EPHA5: variants seen among roughly 807,000 people sequenced by gnomAD.
EPHA5 encodes EPH receptor A5, also known as ephrin type-A receptor 5.
In EPHA5, 60 loss-of-function variants were observed where a neutral mutation model predicts 105.0. The observed-to-expected ratio is 0.57, with a 90% confidence interval of 0.46 to 0.71. The LOEUF (loss-of-function observed/expected upper bound fraction) is 0.71, where lower values mean the gene tolerates loss of function less well. EPHA5 is among the 30% of genes least tolerant of loss of function. The pLI is 0.00. For missense variants in EPHA5, 1,218 were observed against 1,274.7 expected (o/e 0.96, Z 0.68); for synonymous variants, 513 against 449.1 (o/e 1.14, Z -1.80).
At chr4:65,527,922 T>C (rs1019216379) in intron 3 of EPHA5, among the ~76,000 whole-genome samples, 7 of 152,074 alleles carry the variant, frequency 4.6e-5, no homozygotes, top group African/African-American at 1.7e-4. Flanking sequence ...TAGCTCCCAC[T>C]TATAAGTGAG....
intron 3 of EPHA5, among the ~76,000 whole-genome samples, chr4:65,599,496 T>A (rs1368110647): frequency 1.3e-5 from 2 of 152,104 alleles, no homozygotes; most frequent in Non-Finnish European, 2.9e-5. Flanking sequence ...TTCTATTACA[T>A]AAGTTGTGTG....
intron 13 of EPHA5, among the ~76,000 whole-genome samples, chr4:65,350,382 C>T (rs1722704241): frequency 6.6e-6 from 1 of 151,720 alleles, no homozygotes; most frequent in Non-Finnish European, 1.5e-5. Flanking sequence ...AAAAAAAACC[C>T]TTATAATCTG....
intron 3 of EPHA5, chr4:65,573,598 A>C (rs1436274740): frequency 6.3e-7 from 1 of 1,598,984 alleles, no homozygotes; most frequent in Admixed American, 1.7e-5. Flanking sequence ...TGCAGCCGCA[A>C]CCCTGTCCTT....
intron 3 of EPHA5, among the ~76,000 whole-genome samples, chr4:65,581,299 T>C (rs1008937574): frequency 6.6e-6 from 1 of 151,798 alleles, no homozygotes; most frequent in Non-Finnish European, 1.5e-5. Context: ...ACATGAAGTA[T>C]GTATACATGT....
At chr4:65,623,773 T>C (rs1745905036) in intron 2 of EPHA5, among the ~76,000 whole-genome samples, 1 of 152,144 alleles carries the variant, frequency 6.6e-6, no homozygotes, top group Non-Finnish European at 1.5e-5. Flanking sequence ...ATGAGTATCA[T>C]CAAACTTCTG....
At chr4:65,577,768 C>T (rs1741207626) in intron 3 of EPHA5, among the ~76,000 whole-genome samples, 1 of 152,014 alleles carries the variant, frequency 6.6e-6, no homozygotes, top group South Asian at 2.1e-4. Context: ...GATATCCAGC[C>T]ACAATTTCAA....
chr4:65,332,642 T>C (rs1440387194), intron 15 of EPHA5, among the ~76,000 whole-genome samples: 2 of 151,584 alleles, frequency 1.3e-5, no homozygotes, highest in African/African-American at 2.4e-5. Flanking sequence ...AGGCTACATA[T>C]GTGTAGGGTA....
Position 65,609,861 on chromosome 4 carries a change from C to T in EPHA5, c.247-7557G>A, listed in dbSNP as rs570090364. ...TAAATATCATGATGAACATAATATG[C>T]AAACAAAAAAAACCCAAAAAGCATA... On this transcript the variant is annotated intron_variant, in intron 2 of 16. Coordinates refer to ENST00000613740, the MANE Select transcript of EPHA5 (RefSeq NM_001281766.3). Among the ~76,000 whole-genome samples, 570 of 151,020 alleles carry T rather than the reference C, an allele frequency of 3.8e-3. 4 individuals are homozygous for T. Among genetic ancestry groups the T allele is most frequent in the Non-Finnish European group, 6.3e-3 (426 of 67,712 alleles).
intron 3 of EPHA5, among the ~76,000 whole-genome samples, chr4:65,574,657 TATATATATACACATATATATAC>T (rs1560717518): frequency 1.7e-3 from 46 of 26,600 alleles, no homozygotes; most frequent in African/African-American, 3.6e-3. Flanking sequence ...TATATACACA[TATATATATACACATATATATAC>T]ATATATATAC....
At chr4:65,530,285 G>T (rs767625573) in intron 3 of EPHA5, among the ~76,000 whole-genome samples, 6 of 151,990 alleles carry the variant, frequency 3.9e-5, no homozygotes, top group Non-Finnish European at 8.8e-5. Context: ...TAGATTTAAC[G>T]GCTGTTACTA....
At chr4:65,336,542 A>G (rs570291687) in intron 14 of EPHA5, among the ~76,000 whole-genome samples, 1 of 152,268 alleles carries the variant, frequency 6.6e-6, no homozygotes, top group African/African-American at 2.4e-5. Flanking sequence ...GCACAGCCAC[A>G]TTTTTAAAGT....
In EPHA5 at chr4:65,420,453, C is replaced by T. The variant is rs750184259; in HGVS notation, c.1515G>A (p.Lys505=). The T allele has an allele frequency of 8.8e-6, 14 of 1,590,632 alleles. No individual in the cohort carries two copies. The Admixed American group carries it at 1.1e-4, about 12-fold the overall frequency. The change falls in exon 6 of 17, where the codon AAG becomes AAA. Residue 505 remains lysine (K), a synonymous_variant. Transcript: ENST00000613740. ...PNGIILEYEI[K]YFEKDQETSY... ...CTGTTAGTCTTACCTTTTCAAAATA[C>T]TTGATTTCATACTCTAGGATGATTC...
At chr4:65,647,328 C>CAA (rs55995799) in intron 1 of EPHA5, among the ~76,000 whole-genome samples, 397 of 70,572 alleles carry the variant, frequency 5.6e-3, no homozygotes, top group Non-Finnish European at 6.4e-3. Context: ...GACTCTGTCT[C>CAA]AAAAAAAAAA....
chr4:65,559,713 G>T (rs992849156), intron 3 of EPHA5, among the ~76,000 whole-genome samples: 1 of 151,980 alleles, frequency 6.6e-6, no homozygotes, highest in Non-Finnish European at 1.5e-5. Context: ...GTATTAGAAG[G>T]GCTTCTAGAA....
At chr4:65,538,392 G>A (rs1736498027) in intron 3 of EPHA5, among the ~76,000 whole-genome samples, 1 of 151,594 alleles carries the variant, frequency 6.6e-6, no homozygotes, top group Non-Finnish European at 1.5e-5. Context: ...AATATACAAT[G>A]CCCCCACACT....
intron 3 of EPHA5, among the ~76,000 whole-genome samples, chr4:65,500,373 G>T (rs1732361731): frequency 6.6e-6 from 1 of 151,110 alleles, no homozygotes; most frequent in African/African-American, 2.4e-5. Flanking sequence ...TTCTACCCAT[G>T]CTTGAAGGCT....
rs1472781616 is a variant in EPHA5, at chr4:65,636,287, T to A, written c.246+7076A>T. Among the ~76,000 whole-genome samples, 4 of 152,274 alleles carry A rather than the reference T, an allele frequency of 2.6e-5. No individual in the cohort carries two copies. In the East Asian group the frequency reaches 7.7e-4, roughly 29 times the overall value. On this transcript the variant is annotated intron_variant, in intron 2 of 16. Transcript: ENST00000613740. Reference sequence around the variant, plus strand: ...GATAGAATGCAACCCACTCTGGACATTTTAAAACTTCTCTTTGAGGTGAAT... The same window carrying A: ...GATAGAATGCAACCCACTCTGGACAATTTAAAACTTCTCTTTGAGGTGAAT...
At chr4:65,503,131 G>T (rs1732658322) in intron 3 of EPHA5, among the ~76,000 whole-genome samples, 1 of 151,700 alleles carries the variant, frequency 6.6e-6, no homozygotes, top group Admixed American at 6.6e-5. Flanking sequence ...AAGGAGGAAG[G>T]AAGTTGAGTC....
At chr4:65,541,203 A>G (rs1578377570) in intron 3 of EPHA5, among the ~76,000 whole-genome samples, 1 of 151,900 alleles carries the variant, frequency 6.6e-6, no homozygotes, top group South Asian at 2.1e-4. Context: ...ACTAGTGTGA[A>G]AAATAACTAG....
Sources: gnomAD v4.1 joint callset for allele counts (sites outside exome capture counted in the v4.1 genomes callset) on GRCh38, gnomAD v4.1.1 for gene constraint, MANE v1.5 for transcripts, NCBI Gene and HGNC (gene_info 2026-07-23, HGNC 2026-07-21) for gene names.